Variants in GALNT3 observed in about 807,000 individuals in gnomAD.
GALNT3 encodes polypeptide N-acetylgalactosaminyltransferase 3, also known as GalNAc transferase 3.
GALNT3 carries 51 observed loss-of-function variants against 69.8 expected under a neutral mutation model. The ratio of observed to expected loss-of-function variants is 0.73; its 90% confidence interval spans 0.58 to 0.92. GALNT3 has a LOEUF of 0.92. Ranked by LOEUF, GALNT3 falls within the 40% of genes least tolerant of loss-of-function variation. GALNT3 has a pLI of 0.00. For synonymous variants in GALNT3, 265 were observed against 248.5 expected, an observed-to-expected ratio of 1.07 and a Z score of -0.63; for missense variants, 711 against 760.0, an observed-to-expected ratio of 0.94 and a Z score of 0.76.
At chr2:165,786,886 A>G (rs920605445) in intron 1 of GALNT3, among the ~76,000 whole-genome samples, 2 of 152,224 alleles carry the variant, frequency 1.3e-5, no homozygotes, top group East Asian at 3.8e-4. Flanking sequence ...AAATTGCTTA[A>G]AATATGCCTG....
intron 2 of GALNT3, among the ~76,000 whole-genome samples, chr2:165,768,943 C>T (rs1044521343): frequency 4.0e-5 from 6 of 151,332 alleles, no homozygotes; most frequent in South Asian, 2.1e-4. Flanking sequence ...TACAGGCACA[C>T]GGCACCCTGT....
Position 165,750,035 on chromosome 2 carries a change from C to T in GALNT3, c.1627-141G>A, listed in dbSNP as rs181609425. On this transcript the variant is annotated intron_variant, in intron 9 of 10. Transcript: ENST00000392701. ...ATACAATAAAAATAGTTATTAGAAA[C>T]ATAAGCTGAGTTTTTGTGATAGACG... 201 of 818,312 alleles carry T rather than the reference C, an allele frequency of 2.5e-4. No individual in the cohort carries two copies. In the East Asian group the frequency reaches 5.2e-3, roughly 21 times the overall value. The allele number at this position is 818,312 out of a possible 1,614,324, so 50.7% of individuals were successfully genotyped here.
rs145021953 is a variant in GALNT3 at position 165,764,978 on chromosome 2, C to G, written c.594G>C (p.Trp198Cys). ...SVIIVFHNEA[W>C]STLLRTVHSV... is the part of the protein sequence containing the mutation. The stretch of plus-strand genomic sequence containing the variant: ...TGTGGACAGTTCTAAGCAACGTGGA[C>G]CACGCTTCATTATGAAAAACTATTA... Residue 198 changes from tryptophan to cysteine, a missense_variant, in exon 3 of 11, where the codon TGG (tryptophan) becomes TGC (cysteine). Transcript: ENST00000392701. 2 of 1,614,062 alleles carry G rather than the reference C, an allele frequency of 1.2e-6. No individual in the cohort carries two copies. Among genetic ancestry groups the G allele is most frequent in the African/African-American group, 1.3e-5 (1 of 74,918 alleles).
Position 165,747,734 on chromosome 2 carries a change from A to G in GALNT3, c.*1047T>C, listed in dbSNP as rs924901435. On this transcript the variant is annotated 3_prime_UTR_variant, in exon 11 of 11. Transcript: ENST00000392701. ...GGCGCTTAGAAATTCAGCATACAAA[A>G]TTCATTTTCCCCCACCTATTATCAA... is the stretch of plus-strand genomic sequence containing the variant. 6.4e-6 allele frequency: 1 copy of G among 157,382 alleles called. No individual in the cohort carries two copies. Among genetic ancestry groups the G allele is most frequent in the Non-Finnish European group, 1.4e-5 (1 of 71,272 alleles). 9.7% of individuals were successfully genotyped at this position (157,382 alleles called of 1,614,324 possible). A position where few individuals can be genotyped will look rare whatever the true frequency, so the allele number is the denominator to read the frequency against.
At chr2:165,761,126 A>C (rs867510383) in intron 4 of GALNT3, among the ~76,000 whole-genome samples, 21 of 151,418 alleles carry the variant, frequency 1.4e-4, no homozygotes, top group Admixed American at 5.9e-4. Context: ...TAAAAAAAAA[A>C]ACACACACAC....
At chr2:165,779,481 A>G (rs369884853) in intron 1 of GALNT3, among the ~76,000 whole-genome samples, 2 of 152,186 alleles carry the variant, frequency 1.3e-5, no homozygotes, top group East Asian at 1.9e-4. Context: ...GTCCTTCTTT[A>G]TAAGTGAAGA....
At chr2:165,788,629 C>G (rs1480783647) in intron 1 of GALNT3, among the ~76,000 whole-genome samples, 3 of 151,506 alleles carry the variant, frequency 2.0e-5, no homozygotes. Flanking sequence ...CACAGTTTCC[C>G]AAATGAAGCA....
Position 165,748,641 on chromosome 2 carries a change from A to G in GALNT3, c.*140T>C, listed in dbSNP as rs560094844. ...CAGAATTTCTGTAGTAGTGCTACAT[A>G]AAGATATAAATAAGAAAAATGCACT... is the stretch of plus-strand genomic sequence containing the variant. On this transcript the variant is annotated 3_prime_UTR_variant, in exon 11 of 11. Coordinates refer to ENST00000392701, the MANE Select transcript of GALNT3 (RefSeq NM_004482.4). The G allele has an allele frequency of 8.0e-6, 6 of 751,026 alleles. No individual in the cohort carries two copies. The East Asian group carries it at 1.1e-4, about 14-fold the overall frequency. The allele number at this position is 751,026 out of a possible 1,614,324, so 46.5% of individuals were successfully genotyped here. A position where few individuals can be genotyped will look rare whatever the true frequency, so the allele number is the denominator to read the frequency against.
At chr2:165,761,269 T>C (rs1013199683) in intron 4 of GALNT3, among the ~76,000 whole-genome samples, 2 of 152,172 alleles carry the variant, frequency 1.3e-5, no homozygotes, top group African/African-American at 4.8e-5. Context: ...TAGAGTGCAG[T>C]GGCACAATCT....
At chr2:165,766,574 G>A (rs1688646461) in intron 2 of GALNT3, among the ~76,000 whole-genome samples, 1 of 89,484 alleles carries the variant, frequency 1.1e-5, no homozygotes, top group Non-Finnish European at 3.0e-5. Context: ...TCAAGTCACT[G>A]GGACATAAAA....
At chr2:165,793,453 G>A (rs541484265) in intron 1 of GALNT3, among the ~76,000 whole-genome samples, 1 of 152,280 alleles carries the variant, frequency 6.6e-6, no homozygotes, top group East Asian at 1.9e-4. Flanking sequence ...TCCGCGTCCC[G>A]GCCACAGAGC....
chr2:165,779,394 C>T (rs1683052822), intron 1 of GALNT3, among the ~76,000 whole-genome samples: 1 of 152,198 alleles, frequency 6.6e-6, no homozygotes, highest in Non-Finnish European at 1.5e-5. Flanking sequence ...TCAGCTTCCA[C>T]ATGCACCCTC....
At chr2:165,763,081 T>C (rs1036095241) in intron 3 of GALNT3, among the ~76,000 whole-genome samples, 22 of 151,982 alleles carry the variant, frequency 1.4e-4, no homozygotes, top group African/African-American at 5.3e-4. Context: ...GATTACAGGT[T>C]GAGCCACTGC....
chr2:165,772,583 T>TG (rs1688771059), intron 1 of GALNT3, among the ~76,000 whole-genome samples: 1 of 4,670 alleles, frequency 2.1e-4, no homozygotes, highest in East Asian at 5.7e-3. Flanking sequence ...AGACTCTGTC[T>TG]CAAAAAAAAA....
Position 165,749,820 on chromosome 2 carries a change from A to G in GALNT3, c.1701T>C (p.Gly567=). 6.2e-7 allele frequency: 1 copy of G among 1,613,514 alleles called. No individual in the cohort carries two copies. The highest frequency in any genetic ancestry group is 8.5e-7 in the Non-Finnish European group (1 of 1,179,526). The part of the protein sequence containing the change: ...QKELCLHAAQ[G]LVQLKACTYK... ...AGGTACATGCCTTCAGCTGAACGAG[A>G]CCTTGAGCAGCATGAAGACATAATT... Residue 567 remains glycine (G), a synonymous_variant, in exon 10 of 11, where the codon GGT becomes GGC. Transcript: ENST00000392701.
intron 1 of GALNT3, among the ~76,000 whole-genome samples, chr2:165,787,808 T>A (rs1474956940): frequency 6.6e-6 from 1 of 152,156 alleles, no homozygotes; most frequent in African/African-American, 2.4e-5. Context: ...ATATACTCAA[T>A]TGTGGAATAT....
chr2:165,777,793 G>A (rs145868342), intron 1 of GALNT3, among the ~76,000 whole-genome samples: 26 of 152,292 alleles, frequency 1.7e-4, no homozygotes, highest in Admixed American at 1.4e-3. Flanking sequence ...TCAGCTAAAG[G>A]CAAAGTAGAG....
At chr2:165,780,642 T>G (rs1195249775) in intron 1 of GALNT3, among the ~76,000 whole-genome samples, 1 of 94,428 alleles carries the variant, frequency 1.1e-5, no homozygotes, top group African/African-American at 3.7e-5. Flanking sequence ...GTTTGAGGGG[T>G]TTTTTTGTTG....
intron 1 of GALNT3, among the ~76,000 whole-genome samples, chr2:165,787,004 T>G (rs12185736): frequency 0.36 from 54,623 of 152,098 alleles, 9,839 homozygotes; most frequent in Middle Eastern, 0.52. Flanking sequence ...AAAATCTATT[T>G]TTAAAAATAT....
Sources: gnomAD v4.1 joint callset for allele counts (sites outside exome capture counted in the v4.1 genomes callset) on GRCh38, gnomAD v4.1.1 for gene constraint, MANE v1.5 for transcripts, NCBI Gene and HGNC (gene_info 2026-07-23, HGNC 2026-07-21) for gene names.